STK32A: variants seen among roughly 807,000 people sequenced by gnomAD.
STK32A encodes serine/threonine kinase 32A, also known as serine/threonine-protein kinase 32A.
A neutral mutation model predicts 53.2 loss-of-function variants in STK32A; 41 were observed. The ratio of observed to expected loss-of-function variants is 0.77; its 90% CI spans 0.60 to 1.00. The LOEUF (loss-of-function observed/expected upper bound fraction) is 1.00. Among genes scored for constraint, STK32A ranks in the 50% least tolerant of loss-of-function variants. STK32A has a pLI of 0.00. For missense variants in STK32A, 458 were observed against 485.8 expected, an observed-to-expected ratio of 0.94 and a Z score of 0.54; for synonymous variants, 166 against 162.8, an observed-to-expected ratio of 1.02 and a Z score of -0.15.
At chr5:147,258,921 TTTA>T (rs141403277) in intron 2 of STK32A, among the ~76,000 whole-genome samples, 6,533 of 151,970 alleles carry the variant, frequency 0.043, 481 homozygotes, top group African/African-American at 0.15. Flanking sequence ...ATGGCTTTTT[TTTA>T]TTATTATTAT....
intron 4 of STK32A, among the ~76,000 whole-genome samples, chr5:147,293,479 T>TAAAAAAAA (rs57835374): frequency 2.8e-5 from 3 of 106,846 alleles, no homozygotes; most frequent in Non-Finnish European, 3.6e-5. Context: ...TATTTCGAGG[T>TAAAAAAAA]AAAAAAAAAA....
chr5:147,283,329 A>G (rs1187433418), intron 4 of STK32A, among the ~76,000 whole-genome samples: 1 of 152,166 alleles, frequency 6.6e-6, no homozygotes, highest in African/African-American at 2.4e-5. Flanking sequence ...CTAAACGCCC[A>G]CATTGAAAAG....
At chr5:147,237,534 A>AT (rs898446058) in intron 1 of STK32A, among the ~76,000 whole-genome samples, 187 of 152,096 alleles carry the variant, frequency 1.2e-3, no homozygotes, top group African/African-American at 4.1e-3. Flanking sequence ...ACTCTTTTTG[A>AT]TTTTTTATCC....
downstream of STK32A, among the ~76,000 whole-genome samples, chr5:147,389,584 A>C (rs1251717253): frequency 1.3e-5 from 2 of 152,170 alleles, no homozygotes; most frequent in Non-Finnish European, 2.9e-5. Context: ...ACTTTGTCCC[A>C]CATAAAAAGA....
intron 4 of STK32A, among the ~76,000 whole-genome samples, chr5:147,289,670 TATGTG>T (rs1752511604): frequency 1.3e-5 from 2 of 152,000 alleles, no homozygotes; most frequent in African/African-American, 4.8e-5. Context: ...TGTATATATA[TATGTG>T]ATATTTGAAA....
At chr5:147,259,327 T>G (rs1202164768) in intron 2 of STK32A, among the ~76,000 whole-genome samples, 4 of 152,214 alleles carry the variant, frequency 2.6e-5, no homozygotes, top group Admixed American at 6.5e-5. Flanking sequence ...CTTCCTTCTG[T>G]TAGCAAAGCA....
chr5:147,271,556 C>T (rs1286870573), intron 2 of STK32A, among the ~76,000 whole-genome samples: 2 of 152,178 alleles, frequency 1.3e-5, no homozygotes, highest in Non-Finnish European at 2.9e-5. Context: ...TATTTCTCTT[C>T]TTTCAAAAGC....
intron 5 of STK32A, among the ~76,000 whole-genome samples, chr5:147,330,866 G>A (rs1437323570): frequency 2.0e-5 from 3 of 152,282 alleles, no homozygotes; most frequent in African/African-American, 7.2e-5. Context: ...TCAAGGTCCT[G>A]TTTGCAATTC....
chr5:147,235,498 G>T (rs1332626094), intron 1 of STK32A, among the ~76,000 whole-genome samples: 1 of 152,202 alleles, frequency 6.6e-6, no homozygotes, highest in African/African-American at 2.4e-5. Context: ...AAACCTAGCT[G>T]CCTTTGATGA....
chr5:147,394,176 G>A, the STK32A span: 2 of 1,571,564 alleles, frequency 1.3e-6, no homozygotes, highest in Non-Finnish European at 8.7e-7. Flanking sequence ...GTGGCGGGTA[G>A]GGGGATGTGG....
intron 9 of STK32A, among the ~76,000 whole-genome samples, chr5:147,371,333 T>C (rs187510782): frequency 2.6e-5 from 4 of 152,316 alleles, no homozygotes; most frequent in East Asian, 3.9e-4. Context: ...AATAATTTTG[T>C]GGTACAAAAG....
At chr5:147,241,009 A>C (rs1234587482) in intron 2 of STK32A, among the ~76,000 whole-genome samples, 1 of 152,188 alleles carries the variant, frequency 6.6e-6, no homozygotes, top group African/African-American at 2.4e-5. Context: ...TACAAGAAAG[A>C]CTGGGAAATT....
intron 2 of STK32A, among the ~76,000 whole-genome samples, chr5:147,249,103 A>C (rs1310835195): frequency 6.6e-6 from 1 of 152,170 alleles, no homozygotes; most frequent in Non-Finnish European, 1.5e-5. Flanking sequence ...AATTAGGACA[A>C]TGTAATAAGC....
intron 1 of STK32A, among the ~76,000 whole-genome samples, chr5:147,237,964 T>A (rs1432646): frequency 0.58 from 87,772 of 151,920 alleles, 25,857 homozygotes; most frequent in Admixed American, 0.69. Flanking sequence ...ACTATTTTTT[T>A]AAAAATACGC....
At chr5:147,397,553 A>G in the STK32A span, 2 of 1,157,228 alleles carry the variant, frequency 1.7e-6, no homozygotes, top group Non-Finnish European at 2.4e-6. Context: ...ACTGTCACTG[A>G]ATTTCTCTGT....
At chr5:147,374,186 G>T (rs896492528) in intron 10 of STK32A, among the ~76,000 whole-genome samples, 1 of 151,540 alleles carries the variant, frequency 6.6e-6, no homozygotes, top group African/African-American at 2.4e-5. Context: ...TACCTAGGAG[G>T]CTGAGGTAGA....
chr5:147,399,009 A>G, the STK32A span: 1 of 1,563,066 alleles, frequency 6.4e-7, no homozygotes, highest in Non-Finnish European at 8.7e-7. Context: ...ACACCACATA[A>G]ACACATTTCT....
intron 1 of STK32A, among the ~76,000 whole-genome samples, chr5:147,237,541 A>G (rs1028079821): frequency 1.3e-5 from 2 of 152,068 alleles, no homozygotes; most frequent in Admixed American, 6.5e-5. Flanking sequence ...TTGATTTTTT[A>G]TCCTGGAGAA....
At chr5:147,267,136 G>A (rs1754848028) in intron 2 of STK32A, among the ~76,000 whole-genome samples, 1 of 151,986 alleles carries the variant, frequency 6.6e-6, no homozygotes, top group African/African-American at 2.4e-5. Context: ...ACATTATTGA[G>A]TTCCTATTCT....
Sources: gnomAD v4.1 joint callset for allele counts (sites outside exome capture counted in the v4.1 genomes callset) on GRCh38, gnomAD v4.1.1 for gene constraint, MANE v1.5 for transcripts, NCBI Gene and HGNC (gene_info 2026-07-23, HGNC 2026-07-21) for gene names.